CDK5RAP2: variants seen among roughly 807,000 people sequenced by gnomAD.
CDK5RAP2 encodes CDK5 regulatory subunit-associated protein 2.
Under a neutral mutation model 232.9 loss-of-function variants are expected in CDK5RAP2, and 147 were observed. The ratio of observed to expected loss-of-function variants is 0.63; its 90% CI spans 0.55 to 0.72. The LOEUF (loss-of-function observed/expected upper bound fraction) is 0.72. Ranked by LOEUF, CDK5RAP2 falls within the 30% of genes least tolerant of loss-of-function variation. The pLI is 0.00. For missense variants in CDK5RAP2, 2,195 were observed against 2,231.5 expected (o/e 0.98, Z 0.33); for synonymous variants, 833 against 833.7 (o/e 1.00, Z 0.01).
intron 3 of CDK5RAP2, among the ~76,000 whole-genome samples, chr9:120,564,620 T>G (rs1387888403): frequency 6.6e-6 from 1 of 152,164 alleles, no homozygotes; most frequent in African/African-American, 2.4e-5. Context: ...GTTATATAAA[T>G]TATGGCTCAA....
At chr9:120,430,722 G>C (rs1434874792) in intron 25 of CDK5RAP2, among the ~76,000 whole-genome samples, 24 of 150,740 alleles carry the variant, frequency 1.6e-4, no homozygotes, top group Non-Finnish European at 2.8e-4. Context: ...CAGGGATCTA[G>C]AACTAGAAAT....
chr9:120,529,561 T>C (rs777701932), intron 8 of CDK5RAP2, among the ~76,000 whole-genome samples: 4 of 152,240 alleles, frequency 2.6e-5, no homozygotes, highest in Non-Finnish European at 4.4e-5. Context: ...CTAAGCCCGA[T>C]ACGAGTTAGT....
chr9:120,529,024 C>G (rs1476658481), intron 8 of CDK5RAP2: 2 of 590,336 alleles, frequency 3.4e-6, no homozygotes, highest in African/African-American at 3.7e-5. Context: ...ACCAGCCCCA[C>G]AGAGAGTAAA....
At position 120,496,725 on chromosome 9, in the gene CDK5RAP2, G is replaced by A. The variant is rs547483735; in HGVS notation, c.1312-5248C>T. On this transcript the variant is annotated intron_variant, in intron 12 of 37. Transcript: ENST00000349780. ...CCCTGCCCGGCCAGCCGCCCCGTTC[G>A]GGAGGGAGGTTGGGGGGTCAGCCCC... 1.7e-3 allele frequency among the ~76,000 whole-genome samples: 218 copies of A among 130,106 alleles called. 23 individuals are homozygous for A. Among genetic ancestry groups the A allele is most frequent in the African/African-American group, 7.0e-3 (203 of 29,062 alleles). 85.4% of individuals were successfully genotyped at this position (130,106 alleles called of 152,430 possible).
At chr9:120,576,698 T>C (rs746244175) in intron 1 of CDK5RAP2, among the ~76,000 whole-genome samples, 15 of 151,246 alleles carry the variant, frequency 9.9e-5, no homozygotes, top group Admixed American at 5.9e-4. Flanking sequence ...TGAGACTCTG[T>C]CTCAACGACA....
chr9:120,551,772 C>T (rs548898441), intron 3 of CDK5RAP2, among the ~76,000 whole-genome samples: 8 of 152,158 alleles, frequency 5.3e-5, no homozygotes, highest in East Asian at 3.9e-4. Context: ...TGATGATACC[C>T]GGGGAAACTT....
At chr9:120,393,358 T>C (rs927985732) in intron 36 of CDK5RAP2, among the ~76,000 whole-genome samples, 1 of 152,174 alleles carries the variant, frequency 6.6e-6, no homozygotes, top group Non-Finnish European at 1.5e-5. Context: ...GCTGCGCTCC[T>C]CTCTTTTGCA....
chr9:120,466,514 T>C (rs2037387494), intron 18 of CDK5RAP2, among the ~76,000 whole-genome samples: 1 of 152,210 alleles, frequency 6.6e-6, no homozygotes, highest in African/African-American at 2.4e-5. Context: ...AAAAATCCTT[T>C]TTCTCCAAAG....
intron 11 of CDK5RAP2, among the ~76,000 whole-genome samples, chr9:120,521,792 CCCA>C (rs1201122186): frequency 6.6e-6 from 1 of 151,750 alleles, no homozygotes; most frequent in Non-Finnish European, 1.5e-5. Flanking sequence ...ACTACAGGCG[CCCA>C]CCACCACACC....
intron 22 of CDK5RAP2, among the ~76,000 whole-genome samples, chr9:120,444,238 A>AC (rs1175861057): frequency 6.6e-6 from 1 of 152,204 alleles, no homozygotes; most frequent in Non-Finnish European, 1.5e-5. Context: ...ATATAGCAAG[A>AC]CCCCCATCTC....
chr9:120,518,175 G>GTGTC (rs2040427913), intron 12 of CDK5RAP2, among the ~76,000 whole-genome samples: 1 of 57,078 alleles, frequency 1.8e-5, no homozygotes, highest in South Asian at 1.0e-3. Context: ...CTGTGTGTGT[G>GTGTC]TGTGTGTGTG....
chr9:120,570,526 T>C (rs1295841000), intron 2 of CDK5RAP2, among the ~76,000 whole-genome samples: 8 of 152,138 alleles, frequency 5.3e-5, no homozygotes, highest in African/African-American at 1.7e-4. Context: ...ATGAAGCAAA[T>C]GTATACTATC....
rs1490139026 is a variant in CDK5RAP2 at position 120,439,453 on chromosome 9, A to AG, written c.3667dup (p.Leu1223ProfsTer4). 6.2e-7 allele frequency: 1 copy of AG among 1,614,190 alleles called. No homozygotes were observed. The highest frequency in any genetic ancestry group is 8.5e-7 in the Non-Finnish European group (1 of 1,180,012). Reference sequence around the variant, plus strand: ...CTGCAGATTATGGATCTCACTGAAAAGTTGCATGTTCAAATTCTGCTCCTT... The same window carrying AG: ...CTGCAGATTATGGATCTCACTGAAAAGGTTGCATGTTCAAATTCTGCTCCTT... On this transcript the variant is annotated frameshift_variant, in exon 24 of 38. Transcript: ENST00000349780. LOFTEE classifies it high-confidence loss of function.
chr9:120,477,688 T>A (rs977676013), intron 14 of CDK5RAP2, among the ~76,000 whole-genome samples: 2 of 152,112 alleles, frequency 1.3e-5, no homozygotes, highest in Non-Finnish European at 2.9e-5. Context: ...CAATACTGCT[T>A]CCAACAGCTG....
chr9:120,443,623 T>C lies in CDK5RAP2; in HGVS notation c.3145A>G (p.Ile1049Val). 6.2e-7 allele frequency: 1 copy of C among 1,614,116 alleles called. No homozygotes were observed. Among genetic ancestry groups the C allele is most frequent in the Non-Finnish European group, 8.5e-7 (1 of 1,179,982 alleles). The change falls in exon 23 of 38, where the codon ATT (isoleucine) becomes GTT (valine). Residue 1049 changes from isoleucine to valine, a missense_variant. Ile to Val is a conservative substitution (Grantham distance 29). Transcript: ENST00000349780. ...MDSDQQRSYEIDSEICPPDDL... is the reference protein window; with the variant it reads ...MDSDQQRSYEVDSEICPPDDL... ...CACACAGGGGCTGAATTCTGACCAA[T>C]CTCGTAGCTTCTTTGCTGATCACTG...
At chr9:120,574,837 TTTAA>T (rs1279485835) in intron 1 of CDK5RAP2, among the ~76,000 whole-genome samples, 2 of 151,574 alleles carry the variant, frequency 1.3e-5, no homozygotes, top group Non-Finnish European at 2.9e-5. Flanking sequence ...TTTTTTTTTT[TTTAA>T]TGAGGAAACA....
intron 21 of CDK5RAP2, among the ~76,000 whole-genome samples, chr9:120,448,413 C>G (rs1403831869): frequency 1.3e-5 from 2 of 152,212 alleles, no homozygotes; most frequent in South Asian, 4.1e-4. Flanking sequence ...TTCTTCCAAC[C>G]TGATCTTCTG....
intron 14 of CDK5RAP2, among the ~76,000 whole-genome samples, chr9:120,484,037 GT>G (rs2038461908): frequency 6.6e-6 from 1 of 152,198 alleles, no homozygotes; most frequent in African/African-American, 2.4e-5. Context: ...TCCGGCTGTA[GT>G]TAGTTAAATA....
At chr9:120,500,799 A>G (rs1335000998) in intron 12 of CDK5RAP2, among the ~76,000 whole-genome samples, 1 of 152,170 alleles carries the variant, frequency 6.6e-6, no homozygotes, top group African/African-American at 2.4e-5. Context: ...ATGAGGGTTC[A>G]CCTTTCAAAT....
Sources: allele counts gnomAD v4.1 joint callset (sites outside exome capture counted in the v4.1 genomes callset), GRCh38; gene constraint gnomAD v4.1.1; transcripts MANE v1.5; gene names NCBI Gene and HGNC (gene_info 2026-07-23, HGNC 2026-07-21).